GUCY1A2: variants seen among roughly 807,000 people sequenced by gnomAD.
GUCY1A2 encodes the protein guanylate cyclase soluble subunit alpha-2.
Under a neutral mutation model 63.5 loss-of-function variants are expected in GUCY1A2, and 27 were observed. That is an observed-to-expected ratio of 0.43 (90% CI 0.31 to 0.59). The LOEUF (loss-of-function observed/expected upper bound fraction) is 0.59, where lower values mean the gene tolerates loss of function less well. GUCY1A2 is among the 20% of genes least tolerant of loss of function. The pLI, the probability that GUCY1A2 is intolerant of heterozygous loss-of-function variation, is 0.11. For synonymous variants in GUCY1A2, 364 were observed against 343.5 expected, an observed-to-expected ratio of 1.06 and a Z score of -0.66; for missense variants, 768 against 913.3, an observed-to-expected ratio of 0.84 and a Z score of 2.05.
Position 106,939,625 on chromosome 11 carries a change from C to T in GUCY1A2, c.1041G>A (p.Arg347=). The T allele has an allele frequency of 6.2e-7, 1 of 1,614,032 alleles. No individual in the cohort carries two copies. The highest frequency in any genetic ancestry group is 1.1e-5 in the South Asian group (1 of 91,078). The change falls in exon 4 of 8, where the codon AGG becomes AGA. Residue 347 remains arginine (R), a synonymous_variant. Coordinates refer to ENST00000526355, the MANE Select transcript of GUCY1A2 (RefSeq NM_000855.3). ...TGTGAGTGTCACATCGAAGCTGCTT[C>T]CTTAGACCTTCCCCCAACTGAAGGA... ...MSVLQLGEGL[R]KQLRCDTHKV... is the part of the protein sequence containing the mutation.
At chr11:106,893,800 A>G (rs1860007834) in intron 4 of GUCY1A2, among the ~76,000 whole-genome samples, 1 of 152,174 alleles carries the variant, frequency 6.6e-6, no homozygotes, top group Admixed American at 6.5e-5. Context: ...AAACCTGAAC[A>G]GCAGTTTACA....
At chr11:106,974,614 A>G (rs1861238871) in intron 3 of GUCY1A2, among the ~76,000 whole-genome samples, 1 of 152,098 alleles carries the variant, frequency 6.6e-6, no homozygotes. Flanking sequence ...TGATACTAAG[A>G]AAATATTGTG....
At chr11:106,946,829 G>A (rs1172227595) in intron 3 of GUCY1A2, among the ~76,000 whole-genome samples, 2 of 152,028 alleles carry the variant, frequency 1.3e-5, no homozygotes. Context: ...AACAACCATC[G>A]AATTGTACAC....
intron 7 of GUCY1A2, among the ~76,000 whole-genome samples, chr11:106,695,800 T>G (rs1430544300): frequency 6.6e-6 from 1 of 152,204 alleles, no homozygotes; most frequent in Non-Finnish European, 1.5e-5. Flanking sequence ...AAAAAGGATC[T>G]CACCAAATGT....
At chr11:106,778,585 T>C (rs956506226) in intron 5 of GUCY1A2, among the ~76,000 whole-genome samples, 2 of 151,892 alleles carry the variant, frequency 1.3e-5, no homozygotes, top group South Asian at 4.2e-4. Flanking sequence ...GGTGTGAACC[T>C]GGGAGGCGGA....
intron 6 of GUCY1A2, among the ~76,000 whole-genome samples, chr11:106,763,062 G>A (rs951639014): frequency 2.0e-5 from 3 of 151,944 alleles, no homozygotes; most frequent in Admixed American, 1.3e-4. Context: ...AAGAAAAATG[G>A]TCCGTGATGG....
At chr11:106,708,039 G>A (rs761386097) in intron 7 of GUCY1A2, among the ~76,000 whole-genome samples, 6 of 151,734 alleles carry the variant, frequency 4.0e-5, no homozygotes, top group South Asian at 2.1e-4. Context: ...ATTTCAAACC[G>A]TAAAACACTT....
chr11:106,827,137 T>A, intron 4 of GUCY1A2: 1 of 1,477,916 alleles, frequency 6.8e-7, no homozygotes, highest in Non-Finnish European at 9.5e-7. Context: ...GTGAATCTTA[T>A]GAGAAAACTC....
chr11:106,967,361 A>C (rs1861138870), intron 3 of GUCY1A2, among the ~76,000 whole-genome samples: 1 of 152,164 alleles, frequency 6.6e-6, no homozygotes, highest in Non-Finnish European at 1.5e-5. Context: ...AACAATAGTA[A>C]TAGTGGACAG....
chr11:107,009,382 G>A (rs1276591113), intron 1 of GUCY1A2, among the ~76,000 whole-genome samples: 4 of 152,122 alleles, frequency 2.6e-5, no homozygotes, highest in Non-Finnish European at 5.9e-5. Context: ...TGGAGCATTT[G>A]AGAAATGTTG....
rs1213421702 is a variant in GUCY1A2, at chr11:106,725,287, C to T, written c.1837-16621G>A. 3.0e-5 allele frequency among the ~76,000 whole-genome samples: 3 copies of T among 99,344 alleles called. 1 individual carries two copies. The highest frequency in any genetic ancestry group is 6.4e-5 in the Non-Finnish European group (3 of 47,130). The allele number at this position is 99,344 out of a possible 152,430, so 65.2% of individuals were successfully genotyped here. On this transcript the variant is annotated intron_variant, in intron 6 of 7. Coordinates refer to ENST00000526355, the MANE Select transcript of GUCY1A2 (RefSeq NM_000855.3). ...TCCCGGGTTCACGCCATTCTCCTGCCTCAGCCTCCCAAGTAGCTGGGACTA... is the reference window on the plus strand; with the variant it reads ...TCCCGGGTTCACGCCATTCTCCTGCTTCAGCCTCCCAAGTAGCTGGGACTA...
rs557473792 is a variant in GUCY1A2, at chr11:106,951,911, G to A, written c.488-11733C>T. Among the ~76,000 whole-genome samples the A allele has an allele frequency of 2.0e-5, 3 of 152,294 alleles. No individual in the cohort carries two copies. The East Asian group carries it at 5.8e-4, about 29-fold the overall frequency. On this transcript the variant is annotated intron_variant, in intron 3 of 7. Coordinates refer to ENST00000526355, the MANE Select transcript of GUCY1A2 (RefSeq NM_000855.3). ...TTCAATCCATCTTGAGTTAATTTTT[G>A]TATAAGGTGTAAGAAAGGGGTCTAG... is the stretch of plus-strand genomic sequence containing the variant.
chr11:106,785,967 C>T (rs990388361), intron 5 of GUCY1A2, among the ~76,000 whole-genome samples: 18 of 151,180 alleles, frequency 1.2e-4, no homozygotes, highest in Non-Finnish European at 1.8e-4. Flanking sequence ...CTTCTCTGTT[C>T]TCCACTCCAT....
chr11:106,851,475 T>C (rs756384616), intron 4 of GUCY1A2, among the ~76,000 whole-genome samples: 8 of 151,982 alleles, frequency 5.3e-5, no homozygotes, highest in Non-Finnish European at 8.8e-5. Flanking sequence ...ACTGGTTTTA[T>C]CATTTTCATT....
chr11:106,757,495 C>T (rs954931613), intron 6 of GUCY1A2, among the ~76,000 whole-genome samples: 1 of 152,132 alleles, frequency 6.6e-6, no homozygotes, highest in Non-Finnish European at 1.5e-5. Flanking sequence ...GATTTATCTA[C>T]CTTGGTCTTT....
chr11:106,975,251 T>C, intron 3 of GUCY1A2, among the ~76,000 whole-genome samples: 1 of 152,146 alleles, frequency 6.6e-6, no homozygotes, highest in South Asian at 2.1e-4. Context: ...GTAGCAACAT[T>C]TCAGCAGAAA....
chr11:106,820,261 TG>T (rs1367638611), intron 4 of GUCY1A2, among the ~76,000 whole-genome samples: 1 of 152,214 alleles, frequency 6.6e-6, no homozygotes, highest in Non-Finnish European at 1.5e-5. Context: ...ACCATTTATT[TG>T]TTTTAAAAAT....
intron 1 of GUCY1A2, among the ~76,000 whole-genome samples, chr11:106,998,459 C>T (rs1254933850): frequency 6.6e-6 from 1 of 152,144 alleles, no homozygotes; most frequent in Non-Finnish European, 1.5e-5. Context: ...CGTTGTCCTG[C>T]ACAAGTTATA....
chr11:106,764,182 G>C (rs1004852635), intron 6 of GUCY1A2, among the ~76,000 whole-genome samples: 1 of 151,956 alleles, frequency 6.6e-6, no homozygotes, highest in Non-Finnish European at 1.5e-5. Context: ...TCAACATCTC[G>C]ATGTGAGTTT....
Sources: allele counts gnomAD v4.1 joint callset (sites outside exome capture counted in the v4.1 genomes callset), GRCh38; gene constraint gnomAD v4.1.1; transcripts MANE v1.5; gene names NCBI Gene and HGNC (gene_info 2026-07-23, HGNC 2026-07-21).